The following ENPP4 variants were observed in gnomAD, a reference collection of about 807,000 sequenced individuals.
ENPP4 encodes ectonucleotide pyrophosphatase/phosphodiesterase 4.
ENPP4 carries 18 observed loss-of-function variants against 33.4 expected under a neutral mutation model. The observed-to-expected ratio is 0.54, with a 90% confidence interval of 0.37 to 0.80. ENPP4 has a LOEUF of 0.80. ENPP4 is among the 30% of genes least tolerant of loss of function. The probability of loss-of-function intolerance (pLI) is 0.00; values close to 1 mark genes in which losing one functional copy is unlikely to be tolerated. For synonymous variants in ENPP4, 172 were observed against 189.9 expected, an observed-to-expected ratio of 0.91 and a Z score of 0.78; for missense variants, 480 against 541.7, an observed-to-expected ratio of 0.89 and a Z score of 1.13.
At chr6:46,143,107 TGA>T (rs35942390) in intron 3 of ENPP4, among the ~76,000 whole-genome samples, 167 bp from the exon 4 acceptor site, 17 of 148,044 alleles carry the variant, frequency 1.1e-4, no homozygotes, top group Non-Finnish European at 1.5e-4. Flanking sequence ...TGTGTGTATG[TGA>T]GAGAGAGAGA....
chr6:46,142,444 ATATATT>A (rs1764080629), intron 3 of ENPP4, among the ~76,000 whole-genome samples: 1 of 115,628 alleles, frequency 8.6e-6, no homozygotes, highest in Non-Finnish European at 1.9e-5. Context: ...TATATGTAGA[ATATATT>A]ATATATTATA....
At position 46,136,516 on chromosome 6, in the gene ENPP4, T is replaced by C. The variant is rs545141189; in HGVS notation, c.-33-3035T>C. Among the ~76,000 whole-genome samples the C allele has an allele frequency of 2.0e-5, 3 of 152,078 alleles. No homozygotes were observed. The East Asian group carries it at 5.8e-4, about 29-fold the overall frequency. On this transcript the variant is annotated intron_variant, in intron 1 of 3. Coordinates refer to ENST00000321037, the MANE Select transcript of ENPP4 (RefSeq NM_014936.5). ...GTTGTAATACATTTCAGAAAGACCATGGCAATGAAGTATGGTGAATGGAAA... is the reference window on the plus strand; with the variant it reads ...GTTGTAATACATTTCAGAAAGACCACGGCAATGAAGTATGGTGAATGGAAA...
At chr6:46,140,484 G>C in intron 2 of ENPP4, 75 bp downstream of exon 2, 1 of 869,714 alleles carries the variant, frequency 1.1e-6, no homozygotes, top group Non-Finnish European at 1.8e-6. Flanking sequence ...TTGTATAAAA[G>C]AATGAAGCTC....
At chr6:46,137,789 ATAG>A (rs1360380025) in intron 1 of ENPP4, among the ~76,000 whole-genome samples, 1 of 151,866 alleles carries the variant, frequency 6.6e-6, no homozygotes, top group Non-Finnish European at 1.5e-5. Context: ...TCCGATTAAA[ATAG>A]TAGAGATTTT....
Position 46,143,402 on chromosome 6 carries a change from G to T in ENPP4, c.1124G>T (p.Cys375Phe). 1.2e-6 allele frequency: 2 copies of T among 1,612,674 alleles called. No individual in the cohort carries two copies. The highest frequency in any genetic ancestry group is 8.5e-7 in the Non-Finnish European group (1 of 1,179,086). Residue 375 changes from cysteine (C) to phenylalanine (F), a missense_variant, in exon 4 of 4, where the codon TGC becomes TTC. This residue lies in a region of ENPP4 where 249 missense variants were observed against 251.8 expected (regional missense o/e 0.99). Coordinates refer to ENST00000321037, the MANE Select transcript of ENPP4 (RefSeq NM_014936.5). ...INIVDIYPMM[C>F]HILGLKPHPN... ...ATTGTGGATATTTATCCAATGATGTGCCACATCCTGGGATTAAAACCACAT... is the reference window on the plus strand; with the variant it reads ...ATTGTGGATATTTATCCAATGATGTTCCACATCCTGGGATTAAAACCACAT...
chr6:46,141,268 C>A, intron 3 of ENPP4, 46 bp downstream of exon 3: 1 of 1,403,260 alleles, frequency 7.1e-7, no homozygotes. Flanking sequence ...AGGAACAAAT[C>A]ATACCTTGTG....
Position 46,143,636 on chromosome 6 carries a change from G to A in ENPP4, c.1358G>A (p.Gly453Glu), listed in dbSNP as rs1303319618. 2 of 1,606,736 alleles carry A rather than the reference G, an allele frequency of 1.2e-6. No homozygotes were observed. The highest frequency in any genetic ancestry group is 2.2e-5 in the East Asian group (1 of 44,826). Reference sequence around the variant, plus strand: ...GAAGATGATGATGATCCTTTAATTGGGTGACATGTGCTAGGGCTTATACAA... The same window carrying A: ...GAAGATGATGATGATCCTTTAATTGAGTGACATGTGCTAGGGCTTATACAA... ...LQEDDDDPLI[G>E] The change falls in exon 4 of 4, where the codon GGG becomes GAG. Residue 453 changes from glycine to glutamate, a missense_variant. This residue lies in a region of ENPP4 where 249 missense variants were observed against 251.8 expected (regional missense o/e 0.99). Coordinates refer to ENST00000321037, the MANE Select transcript of ENPP4 (RefSeq NM_014936.5).
At chr6:46,136,637 T>A (rs1763978912) in intron 1 of ENPP4, among the ~76,000 whole-genome samples, 1 of 151,860 alleles carries the variant, frequency 6.6e-6, no homozygotes, top group Non-Finnish European at 1.5e-5. Flanking sequence ...ACTGAGGCAT[T>A]TGGGCTTTTT....
chr6:46,142,110 C>A (rs1480444385), intron 3 of ENPP4, among the ~76,000 whole-genome samples: 2 of 151,236 alleles, frequency 1.3e-5, no homozygotes, highest in African/African-American at 4.8e-5. Context: ...ATAGGACAGA[C>A]TCAGAATCAA....
intron 1 of ENPP4, among the ~76,000 whole-genome samples, chr6:46,131,705 T>C (rs555177009): frequency 2.1e-4 from 31 of 151,088 alleles, no homozygotes; most frequent in African/African-American, 7.0e-4. Context: ...ATGGTATTTC[T>C]AGTTCTAGAT....
intron 3 of ENPP4, 99 bp downstream of exon 3, chr6:46,141,321 C>A: frequency 1.2e-6 from 1 of 821,786 alleles, no homozygotes; most frequent in Non-Finnish European, 1.9e-6. Flanking sequence ...AAGAAGTTCA[C>A]ACAGAATAAT....
At chr6:46,133,730 A>C (rs1318506298) in intron 1 of ENPP4, among the ~76,000 whole-genome samples, 1 of 152,156 alleles carries the variant, frequency 6.6e-6, no homozygotes, top group Non-Finnish European at 1.5e-5. Context: ...TAACAGTTTC[A>C]TTCCCTGCAA....
intron 3 of ENPP4, among the ~76,000 whole-genome samples, chr6:46,142,474 ATAT>A (rs1475987059): frequency 4.5e-5 from 2 of 44,560 alleles, no homozygotes; most frequent in Non-Finnish European, 6.7e-5. Flanking sequence ...AGAAAAATAT[ATAT>A]TTTTTTCTAA....
chr6:46,135,475 T>C (rs975249533), intron 1 of ENPP4, among the ~76,000 whole-genome samples: 8 of 152,090 alleles, frequency 5.3e-5, no homozygotes, highest in Non-Finnish European at 1.2e-4. Flanking sequence ...TTTGGAGAAA[T>C]ATCTTTTTCA....
At chr6:46,137,925 G>A (rs777849927) in intron 1 of ENPP4, among the ~76,000 whole-genome samples, 1 of 136,426 alleles carries the variant, frequency 7.3e-6, no homozygotes, top group African/African-American at 2.6e-5. Context: ...TCCTCCAGGT[G>A]GCATGTTTGA....
At chr6:46,131,503 C>A (rs1763898728) in intron 1 of ENPP4, among the ~76,000 whole-genome samples, 1 of 152,056 alleles carries the variant, frequency 6.6e-6, no homozygotes, top group Non-Finnish European at 1.5e-5. Context: ...TTTTTTATGG[C>A]TGCATAGTAT....
chr6:46,133,024 T>C (rs1426957363), intron 1 of ENPP4, among the ~76,000 whole-genome samples: 1 of 152,182 alleles, frequency 6.6e-6, no homozygotes, highest in African/African-American at 2.4e-5. Context: ...TTGCTGAAGT[T>C]GCTTATCAGC....
rs754430791 is a variant in ENPP4 at position 46,145,189 on chromosome 6, G to T, written c.*1549G>T. ...CAGTTAAATATTGATTATCTGTGAT[G>T]GTAAAGAACAACAGTGGTGCCAGTC... is the stretch of plus-strand genomic sequence containing the variant. On this transcript the variant is annotated 3_prime_UTR_variant, in exon 4 of 4. Coordinates refer to ENST00000321037, the MANE Select transcript of ENPP4 (RefSeq NM_014936.5). The T allele has an allele frequency of 4.1e-5, 14 of 344,188 alleles. No individual in the cohort carries two copies. Among genetic ancestry groups the T allele is most frequent in the Non-Finnish European group, 7.3e-5 (14 of 191,916 alleles). 21.3% of individuals were successfully genotyped at this position (344,188 alleles called of 1,614,324 possible).
At chr6:46,137,790 T>G (rs1296907761) in intron 1 of ENPP4, among the ~76,000 whole-genome samples, 6 of 151,840 alleles carry the variant, frequency 4.0e-5, no homozygotes, top group South Asian at 2.1e-4. Context: ...CCGATTAAAA[T>G]AGTAGAGATT....
Sources: gnomAD v4.1 joint callset for allele counts (sites outside exome capture counted in the v4.1 genomes callset) on GRCh38, gnomAD v4.1.1 for gene constraint, gnomAD v4.1.1 regional missense constraint, MANE v1.5 for transcripts, NCBI Gene and HGNC (gene_info 2026-07-23, HGNC 2026-07-21) for gene names.